LRRC7: variants seen among roughly 807,000 people sequenced by gnomAD.
LRRC7 encodes the protein leucine rich repeat containing 7.
A neutral mutation model predicts 175.7 loss-of-function variants in LRRC7; 23 were observed. The ratio of observed to expected loss-of-function variants is 0.13; its 90% CI spans 0.09 to 0.19. The LOEUF (loss-of-function observed/expected upper bound fraction) is 0.19. LRRC7 is among the 10% of genes least tolerant of loss of function. The pLI, the probability that LRRC7 is intolerant of heterozygous loss-of-function variation, is 1.00. For synonymous variants in LRRC7, 685 were observed against 680.9 expected, an observed-to-expected ratio of 1.01 and a Z score of -0.09; for missense variants, 1,354 against 1,904.7, an observed-to-expected ratio of 0.71 and a Z score of 5.38.
chr1:69,997,975 G>A (rs1023128430), intron 11 of LRRC7, among the ~76,000 whole-genome samples: 4 of 152,110 alleles, frequency 2.6e-5, no homozygotes, highest in Non-Finnish European at 4.4e-5. Flanking sequence ...CAGAAGGAAT[G>A]GTGCCAGTTC....
rs575520013 is a variant in LRRC7 at position 70,107,310 on chromosome 1, G to A, written c.4546-442G>A. On this transcript the variant is annotated intron_variant, in intron 25 of 26. Transcript: ENST00000651989. ...TAAACCAGTCGTATATATAATTCTAGTAAAGCTTTTAAAGTATACAATGAA... is the reference window on the plus strand; with the variant it reads ...TAAACCAGTCGTATATATAATTCTAATAAAGCTTTTAAAGTATACAATGAA... 2.0e-5 allele frequency among the ~76,000 whole-genome samples: 3 copies of A among 152,258 alleles called. No homozygotes were observed. The South Asian group carries it at 6.2e-4, about 32-fold the overall frequency.
chr1:69,696,712 C>T (rs1056544858), intron 2 of LRRC7, among the ~76,000 whole-genome samples: 9 of 152,130 alleles, frequency 5.9e-5, no homozygotes, highest in Admixed American at 1.3e-4. Context: ...CGTGATAATG[C>T]GTGAGTTCCT....
At chr1:69,872,307 G>A (rs1685632770) in intron 7 of LRRC7, among the ~76,000 whole-genome samples, 1 of 151,962 alleles carries the variant, frequency 6.6e-6, no homozygotes, top group Admixed American at 6.6e-5. Context: ...GAAGAAATGG[G>A]GAGAAACTTA....
At chr1:69,863,680 T>A (rs981521470) in intron 7 of LRRC7, among the ~76,000 whole-genome samples, 3 of 152,208 alleles carry the variant, frequency 2.0e-5, no homozygotes, top group African/African-American at 7.2e-5. Context: ...AAGTTACAAC[T>A]ATGAGTAATT....
At chr1:70,058,344 A>G (rs888069653) in intron 23 of LRRC7, among the ~76,000 whole-genome samples, 15 of 152,164 alleles carry the variant, frequency 9.9e-5, no homozygotes, top group Non-Finnish European at 7.4e-5. Flanking sequence ...TTAGTATTAA[A>G]AGTTTAGGAT....
intron 23 of LRRC7, among the ~76,000 whole-genome samples, chr1:70,074,993 G>C (rs933128507): frequency 6.6e-6 from 1 of 152,048 alleles, no homozygotes; most frequent in African/African-American, 2.4e-5. Flanking sequence ...AGCTTTCCTA[G>C]CTAATGAATT....
chr1:69,843,960 A>G (rs1326982165), intron 7 of LRRC7, among the ~76,000 whole-genome samples: 1 of 152,114 alleles, frequency 6.6e-6, no homozygotes, highest in Non-Finnish European at 1.5e-5. Context: ...GTAGTAATAT[A>G]TCACTATTAA....
chr1:70,060,952 T>A (rs1661531125), intron 23 of LRRC7, among the ~76,000 whole-genome samples: 1 of 151,998 alleles, frequency 6.6e-6, no homozygotes, highest in Non-Finnish European at 1.5e-5. Context: ...CCCCCAGGAG[T>A]TATGTCTTTA....
At chr1:69,619,724 C>T (rs1650254266) in intron 1 of LRRC7, among the ~76,000 whole-genome samples, 1 of 152,066 alleles carries the variant, frequency 6.6e-6, no homozygotes, top group African/African-American at 2.4e-5. Context: ...AAACTTTTAT[C>T]GGCCATCAGA....
At chr1:70,068,631 T>G (rs1369663181) in intron 23 of LRRC7, among the ~76,000 whole-genome samples, 1 of 152,204 alleles carries the variant, frequency 6.6e-6, no homozygotes, top group Non-Finnish European at 1.5e-5. Context: ...TTTATTTTTT[T>G]GGTATCAGGG....
chr1:70,096,143 A>G (rs1664376630), intron 25 of LRRC7, among the ~76,000 whole-genome samples: 1 of 151,998 alleles, frequency 6.6e-6, no homozygotes, highest in African/African-American at 2.4e-5. Context: ...ACGCCCAGCT[A>G]ATTTTTGTAT....
intron 3 of LRRC7, among the ~76,000 whole-genome samples, chr1:69,767,365 A>G (rs529734466): frequency 2.0e-5 from 3 of 152,332 alleles, no homozygotes; most frequent in African/African-American, 7.2e-5. Flanking sequence ...ATACAAATCC[A>G]TCAGTTTGGA....
Position 69,833,966 on chromosome 1 carries a change from C to A in LRRC7, c.501-814C>A, listed in dbSNP as rs1570227178. On this transcript the variant is annotated intron_variant, in intron 5 of 26. Coordinates refer to ENST00000651989, the MANE Select transcript of LRRC7 (RefSeq NM_001370785.2). ...GGAGTATTTTATAAAATAACATAAT[C>A]TGGACTAGACTATACATAAAGGCAT... Among the ~76,000 whole-genome samples, 3 of 151,962 alleles carry A rather than the reference C, an allele frequency of 2.0e-5. No individual in the cohort carries two copies. The East Asian group carries it at 5.8e-4, about 29-fold the overall frequency.
intron 1 of LRRC7, among the ~76,000 whole-genome samples, chr1:69,623,613 C>T (rs1006713355): frequency 4.8e-5 from 7 of 146,628 alleles, no homozygotes; most frequent in Middle Eastern, 4.0e-3. Flanking sequence ...TGCAATGGTA[C>T]GATCTCGGCT....
intron 7 of LRRC7, among the ~76,000 whole-genome samples, chr1:69,894,735 A>T (rs1403990376): frequency 1.3e-5 from 2 of 152,222 alleles, no homozygotes; most frequent in Non-Finnish European, 2.9e-5. Context: ...AACTAAAATA[A>T]GTCAGTTGTA....
At chr1:69,791,007 A>G (rs755539243) in intron 3 of LRRC7, among the ~76,000 whole-genome samples, 1 of 152,048 alleles carries the variant, frequency 6.6e-6, no homozygotes, top group Admixed American at 6.5e-5. Context: ...TAAATAACGA[A>G]TTACATGGGA....
chr1:69,925,544 G>C (rs936694136), intron 7 of LRRC7, among the ~76,000 whole-genome samples: 3 of 151,868 alleles, frequency 2.0e-5, no homozygotes, highest in Admixed American at 6.6e-5. Flanking sequence ...TGTATGTGTC[G>C]AGGAATTTCT....
intron 7 of LRRC7, among the ~76,000 whole-genome samples, chr1:69,870,060 G>T (rs967166673): frequency 1.3e-5 from 2 of 152,070 alleles, no homozygotes; most frequent in Non-Finnish European, 2.9e-5. Flanking sequence ...TTCATCTTAC[G>T]TTACCAAAGC....
chr1:69,950,987 C>G (rs1422489690), intron 8 of LRRC7, among the ~76,000 whole-genome samples: 3 of 151,142 alleles, frequency 2.0e-5, no homozygotes, highest in Non-Finnish European at 2.9e-5. Flanking sequence ...GTGGAAATGT[C>G]TAAATAATAG....
Sources: allele counts gnomAD v4.1 joint callset (sites outside exome capture counted in the v4.1 genomes callset), GRCh38; gene constraint gnomAD v4.1.1; transcripts MANE v1.5; gene names NCBI Gene and HGNC (gene_info 2026-07-23, HGNC 2026-07-21).